The following PDE10A variants were observed in gnomAD, a reference collection of about 807,000 sequenced individuals.
The protein encoded by PDE10A is phosphodiesterase 10A.
PDE10A carries 39 observed loss-of-function variants against 97.7 expected under a neutral mutation model. The observed-to-expected ratio is 0.40, with a 90% CI of 0.31 to 0.52. The LOEUF (loss-of-function observed/expected upper bound fraction) is 0.52, where lower values mean the gene tolerates loss of function less well. PDE10A is among the 20% of genes least tolerant of loss of function. The pLI, the probability that PDE10A is intolerant of heterozygous loss-of-function variation, is 0.56. For synonymous variants in PDE10A, 371 were observed against 376.8 expected, an observed-to-expected ratio of 0.98 and a Z score of 0.18; for missense variants, 731 against 1,047.8, an observed-to-expected ratio of 0.70 and a Z score of 4.17.
chr6:165,702,937 G>A (rs1305691928), intron 1 of PDE10A, among the ~76,000 whole-genome samples: 14 of 152,290 alleles, frequency 9.2e-5, no homozygotes, highest in African/African-American at 2.2e-4. Context: ...GCAGATGGGC[G>A]GTGACCCACC....
rs549538733 is a variant in PDE10A, at chr6:165,628,869, A to G, written c.865+33078T>C. Among the ~76,000 whole-genome samples the G allele has an allele frequency of 2.0e-5, 3 of 152,338 alleles. No homozygotes were observed. In the South Asian group the frequency reaches 6.2e-4, roughly 32 times the overall value. ...TTTTTCATATAAAAAATGAATTATA[A>G]TGCCTGAATATTTGAAATGCTGAGG... is the stretch of plus-strand genomic sequence containing the variant. On this transcript the variant is annotated intron_variant, in intron 1 of 21. Transcript: ENST00000539869.
intron 18 of PDE10A, among the ~76,000 whole-genome samples, chr6:165,349,327 T>G (rs1418122616): frequency 6.6e-6 from 1 of 152,082 alleles, no homozygotes; most frequent in Non-Finnish European, 1.5e-5. Flanking sequence ...GTCTCAGATG[T>G]AGATGAGGAA....
rs1314327716 is a variant in PDE10A at position 165,841,450 on chromosome 6, C to T, written c.-615+146079G>A. On this transcript the variant is annotated intron_variant, in intron 1 of 19. Transcript: ENST00000366882. ...GTTGGGGCCAGCTTGGGCATGCAGCCGCCTCCTTCGCTGTCTCCCAGCGCA... is the reference window on the plus strand; with the variant it reads ...GTTGGGGCCAGCTTGGGCATGCAGCTGCCTCCTTCGCTGTCTCCCAGCGCA... Among the ~76,000 whole-genome samples the T allele has an allele frequency of 3.3e-5, 5 of 152,232 alleles. No individual in the cohort carries two copies. In the East Asian group the frequency reaches 5.8e-4, roughly 18 times the overall value.
intron 1 of PDE10A, among the ~76,000 whole-genome samples, chr6:165,906,865 C>T (rs191154367): frequency 6.6e-6 from 1 of 152,310 alleles, no homozygotes; most frequent in Admixed American, 6.5e-5. Context: ...GGTGAAGTAA[C>T]GTGACCAAAG....
At chr6:165,840,522 A>G (rs912092026) in intron 1 of PDE10A, among the ~76,000 whole-genome samples, 3 of 152,282 alleles carry the variant, frequency 2.0e-5, no homozygotes, top group African/African-American at 7.2e-5. Flanking sequence ...GTTGCACATG[A>G]CTGGGCACTT....
intron 1 of PDE10A, among the ~76,000 whole-genome samples, chr6:165,931,470 C>T (rs914089018): frequency 2.0e-5 from 3 of 152,256 alleles, no homozygotes; most frequent in East Asian, 1.9e-4. Flanking sequence ...TATACTCACA[C>T]TTCATTCCAC....
intron 15 of PDE10A, among the ~76,000 whole-genome samples, chr6:165,393,694 T>C (rs968865595): frequency 6.2e-4 from 95 of 152,124 alleles, no homozygotes; most frequent in Non-Finnish European, 2.2e-4. Flanking sequence ...AACACTAATT[T>C]ACAAAAAGTC....
intron 1 of PDE10A, among the ~76,000 whole-genome samples, chr6:165,867,663 A>G (rs1254125128): frequency 6.6e-6 from 1 of 152,050 alleles, no homozygotes; most frequent in Non-Finnish European, 1.5e-5. Flanking sequence ...AATCTGCACC[A>G]TAGAATAAAT....
intron 1 of PDE10A, among the ~76,000 whole-genome samples, chr6:165,980,664 G>A (rs1310213254): frequency 6.6e-6 from 1 of 152,200 alleles, no homozygotes; most frequent in Non-Finnish European, 1.5e-5. Flanking sequence ...GGCTTCATAA[G>A]AACCAGGGTC....
At position 165,397,889 on chromosome 6, in the gene PDE10A, A is replaced by G. The variant is rs142408286; in HGVS notation, c.2077-1430T>C. On this transcript the variant is annotated intron_variant, in intron 13 of 21. Transcript: ENST00000539869. ...AACAAATTGTGGCAATGCAAACCCA[A>G]TGAATGAATACACAGTAATTATGTG... Among the ~76,000 whole-genome samples, 1,027 of 152,248 alleles carry G rather than the reference A, an allele frequency of 6.7e-3. 15 individuals are homozygous for G. The highest frequency in any genetic ancestry group is 0.022 in the African/African-American group (912 of 41,554).
At chr6:165,852,326 G>A (rs116959524) in intron 1 of PDE10A, among the ~76,000 whole-genome samples, 5,596 of 152,316 alleles carry the variant, frequency 0.037, 139 homozygotes, top group Middle Eastern at 0.078. Flanking sequence ...GCATGTGGAC[G>A]TAGTTTCAAA....
chr6:165,582,678 A>C (rs1342386884), intron 1 of PDE10A, among the ~76,000 whole-genome samples: 4 of 152,032 alleles, frequency 2.6e-5, no homozygotes, highest in African/African-American at 9.7e-5. Context: ...AACAAACAAA[A>C]AAAAAAACAG....
intron 18 of PDE10A, among the ~76,000 whole-genome samples, chr6:165,365,756 G>A (rs1388976270): frequency 6.6e-6 from 1 of 152,104 alleles, no homozygotes; most frequent in African/African-American, 2.4e-5. Flanking sequence ...TTTAAAAGGT[G>A]ACTGGATAGT....
chr6:165,566,348 T>C (rs1784779211), intron 1 of PDE10A, among the ~76,000 whole-genome samples: 1 of 151,672 alleles, frequency 6.6e-6, no homozygotes, highest in Admixed American at 6.6e-5. Context: ...ATGAGGGAAA[T>C]GCAAATTCAA....
At chr6:165,824,707 GT>G (rs1404090159) in intron 1 of PDE10A, among the ~76,000 whole-genome samples, 1 of 152,064 alleles carries the variant, frequency 6.6e-6, no homozygotes, top group East Asian at 1.9e-4. Context: ...GTTGGAAAAA[GT>G]TTTTCGGCAG....
intron 2 of PDE10A, among the ~76,000 whole-genome samples, chr6:165,509,640 A>G (rs1262527873): frequency 1.8e-4 from 27 of 151,262 alleles, no homozygotes; most frequent in Admixed American, 1.8e-3. Context: ...TAAGGATTGC[A>G]TTGAATCTGT....
chr6:165,465,058 T>C (rs554166910), intron 3 of PDE10A, among the ~76,000 whole-genome samples: 1 of 152,252 alleles, frequency 6.6e-6, no homozygotes, highest in Non-Finnish European at 1.5e-5. Flanking sequence ...GATAAATGTA[T>C]GTTTAACTTT....
chr6:165,459,238 A>G (rs1778147240), intron 3 of PDE10A, among the ~76,000 whole-genome samples: 1 of 152,188 alleles, frequency 6.6e-6, no homozygotes, highest in Non-Finnish European at 1.5e-5. Context: ...ATCCGCTATT[A>G]CTGTCATTTA....
At chr6:165,738,383 G>A (rs1792634826) in intron 1 of PDE10A, among the ~76,000 whole-genome samples, 1 of 150,724 alleles carries the variant, frequency 6.6e-6, no homozygotes, top group African/African-American at 2.4e-5. Context: ...TGGTGTATAT[G>A]TGCCACATTT....
Sources: allele counts gnomAD v4.1 joint callset (sites outside exome capture counted in the v4.1 genomes callset), GRCh38; gene constraint gnomAD v4.1.1; transcripts MANE v1.5; gene names NCBI Gene and HGNC (gene_info 2026-07-23, HGNC 2026-07-21).